Variants in PRIM2 observed in about 807,000 individuals in gnomAD.
The protein encoded by PRIM2 is DNA primase large subunit.
PRIM2 carries 39 observed loss-of-function variants against 67.3 expected under a neutral mutation model. The observed-to-expected ratio is 0.58, with a 90% CI of 0.45 to 0.76. PRIM2 has a LOEUF of 0.76. Among genes scored for constraint, PRIM2 ranks in the 30% least tolerant of loss-of-function variants. PRIM2 has a pLI of 0.00. For synonymous variants in PRIM2, 143 were observed against 198.7 expected (o/e 0.72, Z 2.36); for missense variants, 398 against 598.7 (o/e 0.66, Z 3.50).
At chr6:57,546,198 T>TC (rs1775287982) in intron 10 of PRIM2, among the ~76,000 whole-genome samples, 1 of 152,250 alleles carries the variant, frequency 6.6e-6, no homozygotes. Context: ...TAATTTCGCC[T>TC]AACTTTGGAT....
the PRIM2 span, among the ~76,000 whole-genome samples, chr6:57,285,274 T>C: frequency 6.6e-6 from 1 of 152,210 alleles, no homozygotes; most frequent in East Asian, 1.9e-4. Flanking sequence ...ACTCATTTTA[T>C]GAGGCCAGCA....
intron 13 of PRIM2, among the ~76,000 whole-genome samples, chr6:57,642,617 A>G (rs1288517291): frequency 6.6e-6 from 1 of 150,826 alleles, no homozygotes; most frequent in African/African-American, 2.4e-5. Flanking sequence ...TAATTTTTGT[A>G]TTTTTAGTAG....
At chr6:57,311,309 T>A (rs6938582), upstream of PRIM2, among the ~76,000 whole-genome samples, 1 of 128,730 alleles carries the variant, frequency 7.8e-6, no homozygotes, top group African/African-American at 3.1e-5. Flanking sequence ...CTCCTCACTT[T>A]CCATTCAGGG....
At chr6:57,265,335 T>A in the PRIM2 span, among the ~76,000 whole-genome samples, 2 of 152,240 alleles carry the variant, frequency 1.3e-5, no homozygotes, top group African/African-American at 4.8e-5. Context: ...AGGGACAGTA[T>A]GACTTTAATT....
In PRIM2 at chr6:57,317,697, T is replaced by G. The variant is rs1767523227; in HGVS notation, c.-14T>G. ...TTGTGTTTTCCCGAGTTTGAATTCTTGCAGGTAGGGGAAACTTCCGCGAAT... is the reference window on the plus strand; with the variant it reads ...TTGTGTTTTCCCGAGTTTGAATTCTGGCAGGTAGGGGAAACTTCCGCGAAT... On this transcript the variant is annotated 5_prime_UTR_variant, in exon 1 of 14. Transcript: ENST00000615550. 2 of 152,726 alleles carry G rather than the reference T, an allele frequency of 1.3e-5. No individual in the cohort carries two copies. Among genetic ancestry groups the G allele is most frequent in the Admixed American group, 6.5e-5 (1 of 15,290 alleles). 9.5% of individuals were successfully genotyped at this position (152,726 alleles called of 1,614,324 possible).
At chr6:57,266,072 A>G in the PRIM2 span, among the ~76,000 whole-genome samples, 1 of 152,250 alleles carries the variant, frequency 6.6e-6, no homozygotes, top group Non-Finnish European at 1.5e-5. Flanking sequence ...AAGAGCTTGA[A>G]CAAATAAGAC....
chr6:57,233,377 T>C, the PRIM2 span, among the ~76,000 whole-genome samples: 1 of 152,212 alleles, frequency 6.6e-6, no homozygotes, highest in Non-Finnish European at 1.5e-5. Flanking sequence ...TTCCTGAATA[T>C]ATTTAATCTT....
At chr6:57,267,348 A>T in the PRIM2 span, among the ~76,000 whole-genome samples, 3 of 152,150 alleles carry the variant, frequency 2.0e-5, no homozygotes, top group African/African-American at 7.2e-5. Flanking sequence ...ATGATCAGGG[A>T]GTGGGCAAGT....
At chr6:57,580,747 A>G (rs1181231921) in intron 10 of PRIM2, among the ~76,000 whole-genome samples, 57 of 152,286 alleles carry the variant, frequency 3.7e-4, no homozygotes, top group African/African-American at 1.4e-3. Context: ...GGATAATGAG[A>G]GTGATTTTTC....
At chr6:57,478,750 AGCC>A (rs1773543681) in intron 7 of PRIM2, among the ~76,000 whole-genome samples, 5,003 of 152,172 alleles carry the variant, frequency 0.033, 268 homozygotes, top group African/African-American at 0.11. Context: ...AACATCTCTG[AGCC>A]TAAGTTTCCT....
At chr6:57,511,872 C>A (rs1193092948) in intron 8 of PRIM2, among the ~76,000 whole-genome samples, 7 of 152,128 alleles carry the variant, frequency 4.6e-5, no homozygotes, top group Admixed American at 2.0e-4. Context: ...TGAATACAGA[C>A]CCACAGTTGA....
chr6:57,339,557 C>G (rs1202093918), intron 5 of PRIM2, among the ~76,000 whole-genome samples: 2 of 152,242 alleles, frequency 1.3e-5, no homozygotes, highest in African/African-American at 4.8e-5. Flanking sequence ...CGCTGCATAT[C>G]TACAACTATC....
chr6:57,450,094 A>C (rs1772493473), intron 7 of PRIM2, among the ~76,000 whole-genome samples: 1 of 152,158 alleles, frequency 6.6e-6, no homozygotes, highest in African/African-American at 2.4e-5. Flanking sequence ...ACTAAATATA[A>C]ATTTTGTTAC....
chr6:57,261,189 A>G, the PRIM2 span, among the ~76,000 whole-genome samples: 1 of 152,334 alleles, frequency 6.6e-6, no homozygotes, highest in African/African-American at 2.4e-5. Flanking sequence ...CCAGGAGATG[A>G]CAAAGGTAAG....
intron 7 of PRIM2, among the ~76,000 whole-genome samples, chr6:57,454,441 T>G (rs1344497991): frequency 6.6e-6 from 1 of 152,140 alleles, no homozygotes; most frequent in African/African-American, 2.4e-5. Context: ...CTTGGTAAGG[T>G]ATTAATTATT....
At chr6:57,550,341 A>G (rs1264056528) in intron 10 of PRIM2, among the ~76,000 whole-genome samples, 1 of 152,166 alleles carries the variant, frequency 6.6e-6, no homozygotes, top group Non-Finnish European at 1.5e-5. Context: ...CCAATTCTAG[A>G]TTATACAGTA....
chr6:57,277,470 T>A, the PRIM2 span, among the ~76,000 whole-genome samples: 20 of 152,258 alleles, frequency 1.3e-4, 1 homozygote, highest in East Asian at 3.9e-3. Context: ...ATGGAATGAG[T>A]CCCTGTCTTC....
At chr6:57,383,643 A>C (rs1042893792) in intron 7 of PRIM2, 2 of 151,388 alleles carry the variant, frequency 1.3e-5, no homozygotes, top group South Asian at 2.1e-4. Context: ...ATATTGTTGT[A>C]ACTGAATGTG....
intron 10 of PRIM2, among the ~76,000 whole-genome samples, chr6:57,568,592 GCAGTAAT>G (rs1775794737): frequency 6.6e-6 from 1 of 152,200 alleles, no homozygotes; most frequent in Non-Finnish European, 1.5e-5. Context: ...AAAATTGGAA[GCAGTAAT>G]CATGGCTTTT....
Sources: allele counts gnomAD v4.1 joint callset (sites outside exome capture counted in the v4.1 genomes callset), GRCh38; gene constraint gnomAD v4.1.1; transcripts MANE v1.5; gene names NCBI Gene and HGNC (gene_info 2026-07-23, HGNC 2026-07-21).